The following PEX11G variants were observed in gnomAD, a reference collection of about 807,000 sequenced individuals.
PEX11G encodes the protein peroxisomal membrane protein 11C.
A neutral mutation model predicts 22.5 loss-of-function variants in PEX11G; 20 were observed. The observed-to-expected ratio is 0.89, with a 90% CI of 0.62 to 1.29. The LOEUF (loss-of-function observed/expected upper bound fraction) is 1.29. Ranked by LOEUF, PEX11G falls within the 50% of genes most tolerant of loss-of-function variation. The pLI, the probability that PEX11G is intolerant of heterozygous loss-of-function variation, is 0.00. For missense variants in PEX11G, 347 were observed against 331.3 expected (o/e 1.05, Z -0.37); for synonymous variants, 141 against 154.5 (o/e 0.91, Z 0.65).
chr19:7,493,897 G>T (rs1425293899), upstream of PEX11G, among the ~76,000 whole-genome samples: 2 of 149,388 alleles, frequency 1.3e-5, no homozygotes, highest in South Asian at 2.2e-4. Context: ...CTCCCCCAGT[G>T]GGGGGGTCAC....
At chr19:7,478,672 C>T (rs1046655786) in intron 3 of PEX11G, among the ~76,000 whole-genome samples, 1 of 152,238 alleles carries the variant, frequency 6.6e-6, no homozygotes, top group African/African-American at 2.4e-5. Context: ...CATCAAGCCC[C>T]GTGAGGTGTT....
intron 1 of PEX11G, 49 bp from the exon 2 acceptor site, chr19:7,486,075 TG>T (rs1227144277): frequency 6.7e-7 from 1 of 1,502,850 alleles, no homozygotes; most frequent in African/African-American, 1.4e-5. Flanking sequence ...TCTGCAGAAC[TG>T]AGCTGCATCC....
chr19:7,480,898 A>T lies in PEX11G; in HGVS notation c.428+1135T>A, dbSNP rs1176332669. On this transcript the variant is annotated intron_variant, in intron 3 of 4. Coordinates refer to ENST00000221480, the MANE Select transcript of PEX11G (RefSeq NM_080662.4). The stretch of plus-strand genomic sequence containing the variant: ...CTGACTCAGCGCATTTGCAAAGAGG[A>T]AAATGTTTGGGAGGAAACCATTACT... Among the ~76,000 whole-genome samples, 4 of 152,106 alleles carry T rather than the reference A, an allele frequency of 2.6e-5. No individual in the cohort carries two copies. The East Asian group carries it at 7.7e-4, about 29-fold the overall frequency.
At chr19:7,480,244 T>G in intron 3 of PEX11G, among the ~76,000 whole-genome samples, 1 of 133,462 alleles carries the variant, frequency 7.5e-6, no homozygotes. Flanking sequence ...TTTCAGCCTG[T>G]CTCAAAAAAA....
upstream of PEX11G, chr19:7,489,593 G>T: frequency 3.8e-6 from 3 of 782,962 alleles, no homozygotes; most frequent in Non-Finnish European, 4.6e-6. Context: ...ATCACCCCTT[G>T]CTAGTTTCGG....
chr19:7,478,754 C>T (rs967327357), intron 3 of PEX11G, among the ~76,000 whole-genome samples: 63 of 152,334 alleles, frequency 4.1e-4, no homozygotes, highest in African/African-American at 1.4e-3. Flanking sequence ...GTGGGGACGC[C>T]GTTTCCCCTC....
At chr19:7,484,762 G>T (rs2021558130) in intron 2 of PEX11G, among the ~76,000 whole-genome samples, 3 of 150,566 alleles carry the variant, frequency 2.0e-5, no homozygotes, top group Admixed American at 1.3e-4. Flanking sequence ...GACAGAGTGA[G>T]ACCTTGTCTC....
chr19:7,487,870 C>T (rs1185078493), intron 1 of PEX11G, among the ~76,000 whole-genome samples: 1 of 152,078 alleles, frequency 6.6e-6, no homozygotes, highest in Non-Finnish European at 1.5e-5. Flanking sequence ...GTTAACCCAC[C>T]CCCCCAATCA....
upstream of PEX11G, among the ~76,000 whole-genome samples, chr19:7,490,826 T>G (rs2021873909): frequency 6.6e-6 from 1 of 151,578 alleles, no homozygotes; most frequent in South Asian, 2.1e-4. Context: ...AGGGGTAGAG[T>G]GCAGCGGCAC....
At chr19:7,484,766 T>C (rs570308183) in intron 2 of PEX11G, among the ~76,000 whole-genome samples, 2 of 147,192 alleles carry the variant, frequency 1.4e-5, no homozygotes, top group Admixed American at 6.7e-5. Context: ...GAGTGAGACC[T>C]TGTCTCAAAA....
upstream of PEX11G, among the ~76,000 whole-genome samples, chr19:7,492,569 A>C: frequency 6.6e-6 from 1 of 151,462 alleles, no homozygotes; most frequent in African/African-American, 2.4e-5. Context: ...AGCCTCCCAA[A>C]TAGCTGGGAT....
At chr19:7,491,418 C>T (rs998846727), upstream of PEX11G, among the ~76,000 whole-genome samples, 2 of 151,606 alleles carry the variant, frequency 1.3e-5, no homozygotes, top group Non-Finnish European at 2.9e-5. Context: ...TACAGGTGCG[C>T]ACCACCACAC....
At chr19:7,480,789 A>G (rs1249068238) in intron 3 of PEX11G, among the ~76,000 whole-genome samples, 1 of 152,162 alleles carries the variant, frequency 6.6e-6, no homozygotes, top group African/African-American at 2.4e-5. Flanking sequence ...ACCTCACCCC[A>G]GCGATCTAAG....
At chr19:7,489,492 C>A, upstream of PEX11G, 1 of 988,540 alleles carries the variant, frequency 1.0e-6, no homozygotes. Context: ...AAGACGTTAT[C>A]TTTGGACGTT....
chr19:7,477,601 C>T (rs2145944867), intron 4 of PEX11G, among the ~76,000 whole-genome samples, 165 bp from the exon 5 acceptor site: 1 of 152,290 alleles, frequency 6.6e-6, no homozygotes, highest in South Asian at 2.1e-4. Flanking sequence ...GACTGAGTCC[C>T]CATCACCCCC....
Position 7,485,861 on chromosome 19 carries a change from T to C in PEX11G, c.226A>G (p.Lys76Glu), listed in dbSNP as rs147340976. 6.6e-5 allele frequency: 106 copies of C among 1,609,898 alleles called. No homozygotes were observed. The African/African-American group carries it at 1.3e-3, about 19-fold the overall frequency. ...ACCTGTGCCCCCAGGCCATATTGCT[T>C]AGTGTAGACAAACATGGCCAGGTCA... ...FDDLAMFVYT[K>E]QYGLGAQEED... The change falls in exon 2 of 5, where the codon AAG becomes GAG. Residue 76 changes from lysine (K) to glutamate (E), a missense_variant. Coordinates refer to ENST00000221480, the MANE Select transcript of PEX11G (RefSeq NM_080662.4).
Position 7,477,226 on chromosome 19 carries a change from GCCGCCGGCCCGGGCCGC to G in PEX11G, c.685_701del (p.Ala229ProfsTer55). Reference sequence around the variant, plus strand: ...GTCAGGGGGTAGTGGCCTCGGCCTGGCCGCCGGCCCGGGCCGCCTGGTACATGCTGAGGATTGAGGAG... The same window carrying G: ...GTCAGGGGGTAGTGGCCTCGGCCTGGCTGGTACATGCTGAGGATTGAGGAG... On this transcript the variant is annotated frameshift_variant, in exon 5 of 5. Transcript: ENST00000221480. LOFTEE classifies it low-confidence loss of function (END_TRUNC). 6.5e-7 allele frequency: 1 copy of G among 1,527,024 alleles called. No individual in the cohort carries two copies. Among genetic ancestry groups the G allele is most frequent in the Non-Finnish European group, 8.8e-7 (1 of 1,141,086 alleles). The allele number at this position is 1,527,024 out of a possible 1,614,324, so 94.6% of individuals were successfully genotyped here. A position where few individuals can be genotyped will look rare whatever the true frequency, so the allele number is the denominator to read the frequency against.
chr19:7,492,656 G>GGA (rs1568385985), upstream of PEX11G, among the ~76,000 whole-genome samples: 14 of 152,102 alleles, frequency 9.2e-5, no homozygotes, highest in African/African-American at 3.4e-4. Context: ...TGGCCAGGCT[G>GGA]GTCTCCAACT....
chr19:7,489,995 T>A (rs2021842569), upstream of PEX11G, among the ~76,000 whole-genome samples: 1 of 152,104 alleles, frequency 6.6e-6, no homozygotes, highest in Non-Finnish European at 1.5e-5. Context: ...GTAGCTGGGA[T>A]CACAGCTGTG....
Sources: gnomAD v4.1 joint callset for allele counts (sites outside exome capture counted in the v4.1 genomes callset) on GRCh38, gnomAD v4.1.1 for gene constraint, MANE v1.5 for transcripts, NCBI Gene and HGNC (gene_info 2026-07-23, HGNC 2026-07-21) for gene names.